The following ZFX variants were observed in gnomAD, a reference collection of about 807,000 sequenced individuals.
ZFX encodes zinc finger X-chromosomal protein.
For missense variants in ZFX, 362 were observed against 628.3 expected (o/e 0.58, Z 4.53); for synonymous variants, 196 against 226.8 (o/e 0.86, Z 1.22).
rs1937740536 is a variant in ZFX, at chrX:24,208,114, T to C, written c.941-104T>C. On this transcript the variant is annotated intron_variant, in intron 7 of 9. Transcript: ENST00000304543. ...AGCTATGTTCTAGGTATGTAATATT[T>C]GGACCATCTTTCCATTTTGTCTATT... 3 of 1,032,716 alleles carry C rather than the reference T, an allele frequency of 2.9e-6. No individual in the cohort carries two copies. In the East Asian group the frequency reaches 9.1e-5, roughly 31 times the overall value. 85.1% of individuals were successfully genotyped at this position (1,032,716 alleles called of 1,213,427 possible). A position where few individuals can be genotyped will look rare whatever the true frequency, so the allele number is the denominator to read the frequency against.
intron 5 of ZFX, among the ~76,000 whole-genome samples, chrX:24,188,398 CTG>C (rs998885156): frequency 1.8e-5 from 2 of 110,454 alleles, no homozygotes; most frequent in African/African-American, 3.3e-5. Context: ...TAAAAAAAAA[CTG>C]TTTTCAAAGC....
intron 5 of ZFX, among the ~76,000 whole-genome samples, chrX:24,182,150 TGGTGGGGGAA>T (rs201151676): frequency 0.025 from 2,726 of 109,253 alleles, 82 homozygotes; most frequent in African/African-American, 0.085. Context: ...GGAGTAGGTT[TGGTGGGGGAA>T]GGTGGGGGAA....
Position 24,190,394 on chromosome X carries a change from A to G in ZFX, c.646+10624A>G, listed in dbSNP as rs150219541. Reference sequence around the variant, plus strand: ...TAAACTGAAATTTATTTAGAAATCAACACTACAATTAATGACTTAAGAGTT... The same window carrying G: ...TAAACTGAAATTTATTTAGAAATCAGCACTACAATTAATGACTTAAGAGTT... On this transcript the variant is annotated intron_variant, in intron 5 of 9. Transcript: ENST00000304543. Among the ~76,000 whole-genome samples the G allele has an allele frequency of 5.3e-3, 599 of 112,299 alleles. 4 individuals are homozygous for G. Among genetic ancestry groups the G allele is most frequent in the African/African-American group, 0.017 (539 of 30,953 alleles).
In ZFX at chrX:24,150,861, A is replaced by G. The variant is rs190402665; in HGVS notation, c.-249-830A>G. On this transcript the variant is annotated intron_variant, in intron 1 of 9. Coordinates refer to ENST00000304543, the MANE Select transcript of ZFX (RefSeq NM_003410.4). ...TTTGCCATTCTTTTGTCCTATAGGG[A>G]AAAAAATTGCACAACACGAGAGCGG... 4 of 112,892 alleles carry G rather than the reference A, an allele frequency of 3.5e-5. No individual in the cohort carries two copies. The Admixed American group carries it at 3.7e-4, about 11-fold the overall frequency. The allele number at this position is 112,892 out of a possible 1,213,427, so 9.3% of individuals were successfully genotyped here.
chrX:24,187,068 A>G (rs185103368), intron 5 of ZFX, among the ~76,000 whole-genome samples: 1 of 112,064 alleles, frequency 8.9e-6, no homozygotes, highest in Non-Finnish European at 1.9e-5. Flanking sequence ...AATGATATCT[A>G]TGTGCCGGAA....
At chrX:24,192,208 G>A (rs1337208220) in intron 5 of ZFX, among the ~76,000 whole-genome samples, 2 of 111,919 alleles carry the variant, frequency 1.8e-5, no homozygotes, top group Non-Finnish European at 3.8e-5. Context: ...TAGCAATAGT[G>A]AGGTGTATGG....
Position 24,212,225 on chromosome X carries a change from A to G in ZFX, c.*849A>G, listed in dbSNP as rs892764514. ...TTTGCAACTTTATGTATGTAAATGT[A>G]CCCTGAATTATATATATACACATAT... On this transcript the variant is annotated 3_prime_UTR_variant, in exon 10 of 10. Transcript: ENST00000304543. The G allele has an allele frequency of 1.8e-5, 2 of 111,967 alleles. No homozygotes were observed. Among genetic ancestry groups the G allele is most frequent in the African/African-American group, 6.5e-5 (2 of 30,748 alleles). The allele number at this position is 111,967 out of a possible 1,213,427, so 9.2% of individuals were successfully genotyped here. A position where few individuals can be genotyped will look rare whatever the true frequency, so the allele number is the denominator to read the frequency against.
chrX:24,207,250 T>TA lies in ZFX; in HGVS notation c.647-76_647-75insA, dbSNP rs1962030390. ...ACTCCGTCTCAAAAAAAAAAATTTT[T>TA]TTTTTTTTTTTTGCGAATAGTAACA... On this transcript the variant is annotated intron_variant, in intron 5 of 9. Coordinates refer to ENST00000304543, the MANE Select transcript of ZFX (RefSeq NM_003410.4). The TA allele has an allele frequency of 2.9e-6, 3 of 1,043,411 alleles. No individual in the cohort carries two copies. The African/African-American group carries it at 5.8e-5, about 20-fold the overall frequency. The allele number at this position is 1,043,411 out of a possible 1,213,427, so 86.0% of individuals were successfully genotyped here.
intron 1 of ZFX, 49 bp from the exon 2 acceptor site, chrX:24,151,642 C>A (rs1364086580): frequency 1.8e-5 from 2 of 111,204 alleles, no homozygotes; most frequent in Non-Finnish European, 3.8e-5. Context: ...AGAGTGATGG[C>A]ACACCTGAGC....
chrX:24,163,006 T>G (rs1196040247), intron 3 of ZFX, among the ~76,000 whole-genome samples: 1 of 111,689 alleles, frequency 9.0e-6, no homozygotes, highest in African/African-American at 3.3e-5. Context: ...CATCCATGTT[T>G]TAGCGTGTAT....
At chrX:24,185,446 TTTATTTTAA>T (rs1936031661) in intron 5 of ZFX, among the ~76,000 whole-genome samples, 1 of 111,941 alleles carries the variant, frequency 8.9e-6, no homozygotes, top group African/African-American at 3.2e-5. Flanking sequence ...AATGATGCAT[TTTATTTTAA>T]TTAATTTATT....
intron 3 of ZFX, among the ~76,000 whole-genome samples, chrX:24,167,434 C>T (rs1216060565): frequency 9.0e-6 from 1 of 111,520 alleles, no homozygotes; most frequent in Non-Finnish European, 1.9e-5. Flanking sequence ...CAGGAAGAAC[C>T]ATGCTTTTCA....
At chrX:24,197,948 G>C (rs1023699731) in intron 5 of ZFX, among the ~76,000 whole-genome samples, 1 of 111,620 alleles carries the variant, frequency 9.0e-6, no homozygotes, top group African/African-American at 3.3e-5. Flanking sequence ...GACAGGGATG[G>C]GGGAACTATT....
At chrX:24,207,619 G>A in intron 6 of ZFX, 93 bp from the exon 7 acceptor site, 6 of 1,139,162 alleles carry the variant, frequency 5.3e-6, no homozygotes, top group Non-Finnish European at 7.1e-6. Context: ...ACCAAAGTTT[G>A]TAAAAAGTAA....
rs1484838985 is a variant in ZFX, at chrX:24,214,466, AT to A, written c.*3091del. ...TAATGCTTTTTCTCAAGGAAAAAAAATGTACAGTTTTTGTAAACCTAATAAA... is the reference window on the plus strand; with the variant it reads ...TAATGCTTTTTCTCAAGGAAAAAAAAGTACAGTTTTTGTAAACCTAATAAA... On this transcript the variant is annotated 3_prime_UTR_variant, in exon 10 of 10. Transcript: ENST00000304543. 7 of 112,651 alleles carry A rather than the reference AT, an allele frequency of 6.2e-5. No individual in the cohort carries two copies. The highest frequency in any genetic ancestry group is 1.9e-4 in the African/African-American group (6 of 30,971). The allele number at this position is 112,651 out of a possible 1,213,427, so 9.3% of individuals were successfully genotyped here.
At position 24,213,384 on chromosome X, in the gene ZFX, T is replaced by C. The variant is rs1193903953; in HGVS notation, c.*2008T>C. ...ATTTAGAAATTGTCTTCCCACCCGA[T>C]AGCTGCCTTGTCACCTCATTATGGT... On this transcript the variant is annotated 3_prime_UTR_variant, in exon 10 of 10. Coordinates refer to ENST00000304543, the MANE Select transcript of ZFX (RefSeq NM_003410.4). 8.9e-6 allele frequency: 1 copy of C among 112,215 alleles called. No individual in the cohort carries two copies. Among genetic ancestry groups the C allele is most frequent in the Non-Finnish European group, 1.9e-5 (1 of 53,245 alleles). 9.2% of individuals were successfully genotyped at this position (112,215 alleles called of 1,213,427 possible).
chrX:24,172,684 T>A lies in ZFX; in HGVS notation c.-28-31T>A, dbSNP rs1045825601. 1.3e-5 allele frequency: 14 copies of A among 1,056,805 alleles called. No individual in the cohort carries two copies. In the Admixed American group the frequency reaches 1.7e-4, roughly 12 times the overall value. 87.1% of individuals were successfully genotyped at this position (1,056,805 alleles called of 1,213,427 possible). ...TTAATACCTGATATGAAAAAACTAATGGCTTTGGTTTACTTTTTTCCCTGA... is the reference window on the plus strand; with the variant it reads ...TTAATACCTGATATGAAAAAACTAAAGGCTTTGGTTTACTTTTTTCCCTGA... On this transcript the variant is annotated intron_variant, in intron 3 of 9. Coordinates refer to ENST00000304543, the MANE Select transcript of ZFX (RefSeq NM_003410.4).
intron 4 of ZFX, 45 bp from the exon 5 acceptor site, chrX:24,179,138 C>T (rs1935443113): frequency 9.2e-7 from 1 of 1,083,271 alleles, no homozygotes; most frequent in African/African-American, 1.8e-5. Flanking sequence ...TAATTGTAGT[C>T]ATGCATACTT....
At chrX:24,181,291 C>T (rs1159603201) in intron 5 of ZFX, among the ~76,000 whole-genome samples, 2 of 111,921 alleles carry the variant, frequency 1.8e-5, no homozygotes. Context: ...TTGTAGGTAG[C>T]GTAGATACAG....
Sources: gnomAD v4.1 joint callset for allele counts (sites outside exome capture counted in the v4.1 genomes callset) on GRCh38, gnomAD v4.1.1 for gene constraint, MANE v1.5 for transcripts, NCBI Gene and HGNC (gene_info 2026-07-23, HGNC 2026-07-21) for gene names.